The following PPP1R37 variants were observed in gnomAD, a reference collection of about 807,000 sequenced individuals.
The protein encoded by PPP1R37 is protein phosphatase 1 regulatory subunit 37.
Under a neutral mutation model 61.0 loss-of-function variants are expected in PPP1R37, and 21 were observed. The ratio of observed to expected loss-of-function variants is 0.34; its 90% CI spans 0.24 to 0.50. PPP1R37 has a LOEUF of 0.50. Among genes scored for constraint, PPP1R37 ranks in the 20% least tolerant of loss-of-function variants. PPP1R37 has a pLI of 0.98. For synonymous variants in PPP1R37, 443 were observed against 433.5 expected, an observed-to-expected ratio of 1.02 and a Z score of -0.27; for missense variants, 910 against 952.7, an observed-to-expected ratio of 0.96 and a Z score of 0.59.
At chr19:45,096,229 G>A (rs1227006134) in intron 1 of PPP1R37, among the ~76,000 whole-genome samples, 1 of 152,134 alleles carries the variant, frequency 6.6e-6, no homozygotes, top group Non-Finnish European at 1.5e-5. Flanking sequence ...GGGAGAGATG[G>A]CAGTCAATGC....
intron 3 of PPP1R37, 80 bp downstream of exon 3, chr19:45,140,361 C>A: frequency 7.1e-7 from 1 of 1,403,358 alleles, no homozygotes; most frequent in Non-Finnish European, 9.6e-7. Flanking sequence ...TGAGGACCTG[C>A]CTGGGGTTAG....
At chr19:45,136,747 A>G (rs1051257576) in intron 1 of PPP1R37, 3 of 152,458 alleles carry the variant, frequency 2.0e-5, no homozygotes, top group Non-Finnish European at 4.4e-5. Context: ...TTCCTCCAGC[A>G]CCGCAGTTCA....
intron 1 of PPP1R37, among the ~76,000 whole-genome samples, chr19:45,099,172 C>G (rs1320528975): frequency 1.3e-5 from 2 of 152,174 alleles, no homozygotes; most frequent in Admixed American, 1.3e-4. Flanking sequence ...TGTATTTGTA[C>G]TCCTCTTTCC....
intron 1 of PPP1R37, among the ~76,000 whole-genome samples, chr19:45,117,608 C>T (rs1409341071): frequency 6.6e-6 from 1 of 152,138 alleles, no homozygotes; most frequent in African/African-American, 2.4e-5. Flanking sequence ...GGGAGTCTCC[C>T]TGCAGGTCCC....
chr19:45,138,905 CTTTTTTTTTTTT>C (rs34081163), intron 2 of PPP1R37, among the ~76,000 whole-genome samples: 3 of 73,054 alleles, frequency 4.1e-5, no homozygotes, highest in South Asian at 5.5e-4. Context: ...TTTATGTATT[CTTTTTTTTTTTT>C]TTTTTTTTTT....
intron 1 of PPP1R37, among the ~76,000 whole-genome samples, chr19:45,112,222 G>A (rs1369010102): frequency 2.6e-5 from 3 of 114,400 alleles, no homozygotes; most frequent in Admixed American, 7.9e-5. Flanking sequence ...TGATCCGCCC[G>A]CCTCTGCCTC....
intron 1 of PPP1R37, among the ~76,000 whole-genome samples, chr19:45,123,794 A>G (rs1015852327): frequency 1.3e-5 from 2 of 152,212 alleles, no homozygotes; most frequent in Non-Finnish European, 2.9e-5. Flanking sequence ...CTACATGAGT[A>G]GCTTCTTGCA....
chr19:45,128,515 A>G, intron 1 of PPP1R37: 1 of 1,050,754 alleles, frequency 9.5e-7, no homozygotes. Context: ...TTGCAGCGAG[A>G]AGACAAGGTT....
At chr19:45,107,675 G>A (rs1395040244) in intron 1 of PPP1R37, among the ~76,000 whole-genome samples, 2 of 152,150 alleles carry the variant, frequency 1.3e-5, no homozygotes, top group East Asian at 1.9e-4. Context: ...CGTGTATCCC[G>A]GATGCAGGAC....
rs35150714 is a variant in PPP1R37 at position 45,124,807 on chromosome 19, G to GAA, written c.203-13694_203-13693dup. On this transcript the variant is annotated intron_variant, in intron 1 of 12. Coordinates refer to ENST00000221462, the MANE Select transcript of PPP1R37 (RefSeq NM_019121.2). Reference sequence around the variant, plus strand: ...GAGACCCGGTCTCTACATAAAAAAAGAAAAAAAAAAAAAACTGGCCAAGCA... The same window carrying GAA: ...GAGACCCGGTCTCTACATAAAAAAAGAAAAAAAAAAAAAAAACTGGCCAAGCA... Among the ~76,000 whole-genome samples, 838 of 142,456 alleles carry GAA rather than the reference G, an allele frequency of 5.9e-3. 4 individuals are homozygous for GAA. The highest frequency in any genetic ancestry group is 0.012 in the African/African-American group (484 of 39,124). The allele number at this position is 142,456 out of a possible 152,430, so 93.5% of individuals were successfully genotyped here.
intron 1 of PPP1R37, among the ~76,000 whole-genome samples, chr19:45,098,439 C>T (rs996652873): frequency 2.6e-5 from 4 of 152,176 alleles, no homozygotes; most frequent in African/African-American, 7.2e-5. Flanking sequence ...AGCCACAGTC[C>T]GGGAGACTCA....
intron 1 of PPP1R37, among the ~76,000 whole-genome samples, chr19:45,137,881 G>A (rs941558305): frequency 5.9e-5 from 9 of 151,632 alleles, no homozygotes; most frequent in Non-Finnish European, 1.2e-4. Flanking sequence ...GCTCATACCT[G>A]TAATCCCAGC....
In PPP1R37 at chr19:45,141,304, C is replaced by G. The variant is rs1293395821; in HGVS notation, c.448-18C>G. 1.3e-6 allele frequency: 2 copies of G among 1,531,328 alleles called. No homozygotes were observed. The highest frequency in any genetic ancestry group is 1.4e-5 in the African/African-American group (1 of 73,034). 94.9% of individuals were successfully genotyped at this position (1,531,328 alleles called of 1,614,324 possible). A position where few individuals can be genotyped will look rare whatever the true frequency, so the allele number is the denominator to read the frequency against. Reference sequence around the variant, plus strand: ...GCAGCCCAGAGCTGAGGCTGAGCCCCCGAATCTCTATGCGCAGGGTGCCTC... The same window carrying G: ...GCAGCCCAGAGCTGAGGCTGAGCCCGCGAATCTCTATGCGCAGGGTGCCTC... On this transcript the variant is annotated intron_variant, in intron 4 of 12. Transcript: ENST00000221462.
At chr19:45,137,833 C>CAAAAAAAAAAAAAAAAA (rs5828228) in intron 1 of PPP1R37, among the ~76,000 whole-genome samples, 1 of 106,200 alleles carries the variant, frequency 9.4e-6, no homozygotes. Context: ...TACAAAAATA[C>CAAAAAAAAAAAAAAAAA]AAAAAAAAAA....
Position 45,142,108 on chromosome 19 carries a change from C to T in PPP1R37, c.615C>T (p.Asp205=), listed in dbSNP as rs1219460623. 6.5e-6 allele frequency: 10 copies of T among 1,533,636 alleles called. No homozygotes were observed. The highest frequency in any genetic ancestry group is 8.7e-6 in the Non-Finnish European group (10 of 1,145,946). ...ACGCCCGCAACACGCCCCTGCTGGA[C>T]CACTCGGCGCCCTTCGTGGCCCGTG... is the stretch of plus-strand genomic sequence containing the variant. ...YLDARNTPLL[D]HSAPFVARAL... The change falls in exon 6 of 13, where the codon GAC becomes GAT. Residue 205 remains aspartate (D), a synonymous_variant. Transcript: ENST00000221462.
At chr19:45,141,479 G>C (rs2122754810) in intron 5 of PPP1R37, 38 bp downstream of exon 5, 5 of 753,328 alleles carry the variant, frequency 6.6e-6, no homozygotes, top group Non-Finnish European at 9.6e-6. Context: ...GGCAGCTCAG[G>C]CTCCCAGCAC....
Position 45,130,901 on chromosome 19 carries a change from CTG to C in PPP1R37, c.203-7612_203-7611del, listed in dbSNP as rs1391955419. On this transcript the variant is annotated intron_variant, in intron 1 of 12. Transcript: ENST00000221462. The surrounding 1 kb of genome is among the most constrained non-coding windows in gnomAD (Gnocchi z 4.4). ...GACTTCCTCCCTCCCCATCCCTCCT[CTG>C]AGAGTTGACACCCTCCCACTGTGTC... 2.0e-5 allele frequency among the ~76,000 whole-genome samples: 3 copies of C among 152,262 alleles called. No individual in the cohort carries two copies. In the East Asian group the frequency reaches 5.8e-4, roughly 29 times the overall value.
intron 1 of PPP1R37, among the ~76,000 whole-genome samples, chr19:45,127,701 G>T (rs1968424471): frequency 6.6e-6 from 1 of 152,160 alleles, no homozygotes; most frequent in African/African-American, 2.4e-5. Context: ...TTTGGGCCGG[G>T]CGCGGTGGCT....
intron 1 of PPP1R37, among the ~76,000 whole-genome samples, chr19:45,103,460 C>T (rs190622367): frequency 6.6e-6 from 1 of 152,354 alleles, no homozygotes; most frequent in African/African-American, 2.4e-5. Context: ...CGGGGTCGGA[C>T]TCGTGTGCCA....
Sources: allele counts gnomAD v4.1 joint callset (sites outside exome capture counted in the v4.1 genomes callset), GRCh38; gene constraint gnomAD v4.1.1; non-coding constraint Gnocchi (gnomAD v3.1); transcripts MANE v1.5; gene names NCBI Gene and HGNC (gene_info 2026-07-23, HGNC 2026-07-21).